The following SMAP2 variants were observed in gnomAD, a reference collection of about 807,000 sequenced individuals.
SMAP2 encodes stromal membrane-associated protein 2.
In SMAP2, 25 loss-of-function variants were observed where a neutral mutation model predicts 56.4. That is an observed-to-expected ratio of 0.44 (90% CI 0.32 to 0.62). The LOEUF is 0.62. Ranked by LOEUF, SMAP2 falls within the 20% of genes least tolerant of loss-of-function variation. The pLI, the probability that SMAP2 is intolerant of heterozygous loss-of-function variation, is 0.04. For missense variants in SMAP2, 388 were observed against 545.6 expected, an observed-to-expected ratio of 0.71 and a Z score of 2.88; for synonymous variants, 157 against 181.7, an observed-to-expected ratio of 0.86 and a Z score of 1.09.
chr1:40,347,260 T>G (rs1453847844), intron 1 of SMAP2, among the ~76,000 whole-genome samples: 9 of 142,090 alleles, frequency 6.3e-5, no homozygotes, highest in African/African-American at 1.6e-4. Context: ...TGTTTTTTTT[T>G]TTTTTTTTAA....
intron 1 of SMAP2, among the ~76,000 whole-genome samples, chr1:40,359,320 C>G (rs2124173028): frequency 6.6e-6 from 1 of 152,282 alleles, no homozygotes; most frequent in African/African-American, 2.4e-5. Flanking sequence ...CCAGGCTGGT[C>G]TCGAACTCCT....
intron 1 of SMAP2, among the ~76,000 whole-genome samples, chr1:40,376,233 G>A (rs1644540517): frequency 6.6e-6 from 1 of 152,140 alleles, no homozygotes; most frequent in Admixed American, 6.5e-5. Context: ...TTACAGGTGT[G>A]AGCCACCATG....
rs1644526472 is a variant in SMAP2, at chr1:40,374,724, T to A, written c.103+501T>A. Reference sequence around the variant, plus strand: ...ATTTTTAAAGGTGGTGATTTTTGCTTCCTGCTATTTGGTTAGCAACTCCTG... The same window carrying A: ...ATTTTTAAAGGTGGTGATTTTTGCTACCTGCTATTTGGTTAGCAACTCCTG... On this transcript the variant is annotated intron_variant, in intron 1 of 9. Transcript: ENST00000372718. The surrounding 1 kb of genome is among the most constrained non-coding windows in gnomAD (Gnocchi z 5.9). The A allele has an allele frequency of 1.3e-6, 2 of 1,550,456 alleles. No individual in the cohort carries two copies. Among genetic ancestry groups the A allele is most frequent in the Non-Finnish European group, 1.7e-6 (2 of 1,146,968 alleles).
intron 1 of SMAP2, among the ~76,000 whole-genome samples, chr1:40,378,985 T>C (rs1288358498): frequency 1.3e-5 from 2 of 150,854 alleles, no homozygotes; most frequent in Non-Finnish European, 3.0e-5. Flanking sequence ...TCTTTTCTTT[T>C]TTTTTTTTTT....
At chr1:40,361,891 G>T (rs1306661293) in intron 1 of SMAP2, among the ~76,000 whole-genome samples, 1 of 152,208 alleles carries the variant, frequency 6.6e-6, no homozygotes, top group African/African-American at 2.4e-5. Flanking sequence ...AAGTGTGCAT[G>T]GGAGATAAAC....
rs143538069 is a variant in SMAP2 at position 40,357,751 on chromosome 1, T to C, written c.-82-4549T>C. ...AATTCACTGTAGGTGTATGGATTTG[T>C]TTCAGGGTTTTTCATTTTGCTCCAT... On this transcript the variant is annotated intron_variant, in intron 1 of 6. Coordinates refer to the SMAP2 transcript ENST00000435168. Among the ~76,000 whole-genome samples, 314 of 152,282 alleles carry C rather than the reference T, an allele frequency of 2.1e-3. 2 individuals are homozygous for C. Among genetic ancestry groups the C allele is most frequent in the African/African-American group, 7.4e-3 (309 of 41,554 alleles).
At chr1:40,384,835 C>T (rs1043762478) in intron 1 of SMAP2, among the ~76,000 whole-genome samples, 1 of 152,206 alleles carries the variant, frequency 6.6e-6, no homozygotes, top group African/African-American at 2.4e-5. Context: ...TCCCAGAGTA[C>T]CAGTTCTTTT....
intron 4 of SMAP2, 88 bp from the exon 5 acceptor site, chr1:40,412,928 G>A (rs1644951504): frequency 2.1e-6 from 2 of 959,034 alleles, no homozygotes; most frequent in South Asian, 3.3e-5. Context: ...GGGATTGGAG[G>A]TGTCCTTTTC....
intron 4 of SMAP2, 103 bp downstream of exon 4, chr1:40,409,938 A>G (rs1452464400): frequency 1.3e-6 from 1 of 786,570 alleles, no homozygotes; most frequent in Non-Finnish European, 2.1e-6. Context: ...CTCCAAAACC[A>G]TCTTTTAAAA....
intron 1 of SMAP2, among the ~76,000 whole-genome samples, chr1:40,392,963 G>A (rs180882465): frequency 6.8e-4 from 104 of 152,102 alleles, no homozygotes; most frequent in Admixed American, 6.2e-3. Context: ...TTAGCCAGGC[G>A]TGGTGGCATG....
chr1:40,361,324 C>T (rs1408128361), intron 1 of SMAP2, among the ~76,000 whole-genome samples: 2 of 152,064 alleles, frequency 1.3e-5, no homozygotes, highest in South Asian at 2.1e-4. Flanking sequence ...ACTTGGGCCC[C>T]GAATGATCAG....
At chr1:40,400,644 T>A (rs938537360) in intron 1 of SMAP2, among the ~76,000 whole-genome samples, 8 of 151,976 alleles carry the variant, frequency 5.3e-5, no homozygotes, top group Non-Finnish European at 2.9e-5. Context: ...TGTAGTTGAC[T>A]AAGATGAAGA....
At chr1:40,411,966 CTT>C (rs1644940156) in intron 4 of SMAP2, among the ~76,000 whole-genome samples, 1 of 151,984 alleles carries the variant, frequency 6.6e-6, no homozygotes, top group Admixed American at 6.6e-5. Context: ...GTTATGTAGA[CTT>C]CTCGTGCCTT....
At chr1:40,419,101 T>C (rs1211209899) in intron 9 of SMAP2, among the ~76,000 whole-genome samples, 1 of 152,042 alleles carries the variant, frequency 6.6e-6, no homozygotes, top group African/African-American at 2.4e-5. Context: ...AGTTGAATAA[T>C]AAATATTGTA....
intron 1 of SMAP2, chr1:40,396,735 G>A (rs911450047): frequency 3.6e-6 from 2 of 555,134 alleles, no homozygotes; most frequent in Non-Finnish European, 4.6e-6. Context: ...TTGGAATAAG[G>A]AACTTGATGA....
At position 40,400,287 on chromosome 1, in the gene SMAP2, T is replaced by G. The variant is rs1418580086; in HGVS notation, c.104-6449T>G. ...AGGCATGGGCTAGACCTTTAAGACC[T>G]TGGAAACTATGTTAAGGATTTTGTT... On this transcript the variant is annotated intron_variant, in intron 1 of 9. Coordinates refer to ENST00000372718, the MANE Select transcript of SMAP2 (RefSeq NM_022733.3). Among the ~76,000 whole-genome samples, 11 of 152,320 alleles carry G rather than the reference T, an allele frequency of 7.2e-5. No homozygotes were observed. The East Asian group carries it at 2.1e-3, about 29-fold the overall frequency.
In SMAP2 at chr1:40,406,720, T is replaced by C; in HGVS notation, c.104-16T>C. On this transcript the variant is annotated splice_polypyrimidine_tract_variant and intron_variant, in intron 1 of 9. Coordinates refer to ENST00000372718, the MANE Select transcript of SMAP2 (RefSeq NM_022733.3). The stretch of plus-strand genomic sequence containing the variant: ...TTGTAATTTGTACTTTATTGCCCTG[T>C]TCCTGACTTTCACAGGGCCGCGATG... The C allele has an allele frequency of 1.2e-6, 2 of 1,609,786 alleles. No homozygotes were observed. Among genetic ancestry groups the C allele is most frequent in the African/African-American group, 2.7e-5 (2 of 74,958 alleles).
intron 5 of SMAP2, 68 bp downstream of exon 5, chr1:40,413,170 A>G: frequency 2.4e-6 from 3 of 1,258,308 alleles, no homozygotes; most frequent in Non-Finnish European, 2.3e-6. Context: ...AAGGGAAAGT[A>G]GGAGGTCTCG....
Position 40,374,955 on chromosome 1 carries a change from C to T in SMAP2, c.103+732C>T, listed in dbSNP as rs1644528501. ...GCCTGTAGTGCAGGATCCGTTTAAT[C>T]AGTGGAGAGAGAAAGATGAATTCGA... On this transcript the variant is annotated intron_variant, in intron 1 of 9. Transcript: ENST00000372718. This position sits in a 1 kb window ranked among gnomAD's most constrained non-coding sequence, Gnocchi z 5.9. The T allele has an allele frequency of 1.0e-6, 1 of 985,228 alleles. No homozygotes were observed. The highest frequency in any genetic ancestry group is 6.2e-5 in the Admixed American group (1 of 16,250). The allele number at this position is 985,228 out of a possible 1,614,324, so 61.0% of individuals were successfully genotyped here.
Sources: allele counts gnomAD v4.1 joint callset (sites outside exome capture counted in the v4.1 genomes callset), GRCh38; gene constraint gnomAD v4.1.1; non-coding constraint Gnocchi (gnomAD v3.1); transcripts MANE v1.5; gene names NCBI Gene and HGNC (gene_info 2026-07-23, HGNC 2026-07-21).